DOCK1: variants seen among roughly 807,000 people sequenced by gnomAD.
The protein encoded by DOCK1 is dedicator of cytokinesis 1, also known as dedicator of cytokinesis protein 1.
In DOCK1, 138 loss-of-function variants were observed where a neutral mutation model predicts 262.7. The ratio of observed to expected loss-of-function variants is 0.53; its 90% CI spans 0.46 to 0.61. The LOEUF (loss-of-function observed/expected upper bound fraction) is 0.61. Ranked by LOEUF, DOCK1 falls within the 20% of genes least tolerant of loss-of-function variation. DOCK1 has a pLI of 0.00. For synonymous variants in DOCK1, 866 were observed against 867.4 expected, an observed-to-expected ratio of 1.00 and a Z score of 0.03; for missense variants, 1,908 against 2,370.7, an observed-to-expected ratio of 0.80 and a Z score of 4.05.
At chr10:126,949,481 C>G (rs1168550400) in intron 1 of DOCK1, among the ~76,000 whole-genome samples, 1 of 152,132 alleles carries the variant, frequency 6.6e-6, no homozygotes, top group Non-Finnish European at 1.5e-5. Flanking sequence ...AGGGTTGGTC[C>G]TATGATGAGA....
intron 29 of DOCK1, among the ~76,000 whole-genome samples, chr10:127,268,160 G>T (rs537916836): frequency 1.3e-5 from 2 of 152,232 alleles, no homozygotes; most frequent in South Asian, 4.1e-4. Flanking sequence ...AATGTCACTA[G>T]TGTCTCCATG....
chr10:127,016,153 C>G (rs1591658593), intron 12 of DOCK1: 1 of 152,374 alleles, frequency 6.6e-6, no homozygotes, highest in African/African-American at 2.4e-5. Context: ...AAACACCTGT[C>G]AGGGGAGGTC....
At chr10:127,311,334 C>T (rs2062055371) in intron 29 of DOCK1, among the ~76,000 whole-genome samples, 1 of 152,156 alleles carries the variant, frequency 6.6e-6, no homozygotes, top group Non-Finnish European at 1.5e-5. Flanking sequence ...AAGGGACCTG[C>T]AGAAATTCTT....
At chr10:127,033,085 C>G (rs985000586) in intron 18 of DOCK1, among the ~76,000 whole-genome samples, 1 of 152,202 alleles carries the variant, frequency 6.6e-6, no homozygotes, top group Non-Finnish European at 1.5e-5. Context: ...GTGCCTGCCT[C>G]AAAGGGCTTA....
chr10:127,076,252 G>A (rs374264758), intron 23 of DOCK1, among the ~76,000 whole-genome samples: 51 of 152,250 alleles, frequency 3.3e-4, no homozygotes, highest in South Asian at 2.7e-3. Flanking sequence ...CTGTAATCCC[G>A]GCACTTTGGG....
intron 19 of DOCK1, 23 bp downstream of exon 19, chr10:127,037,839 T>G (rs753946247): frequency 1.2e-5 from 17 of 1,468,502 alleles, no homozygotes; most frequent in Non-Finnish European, 1.4e-5. Flanking sequence ...CCAAAGGGAC[T>G]TTTTGGGTCT....
chr10:127,040,982 A>T (rs945268151), intron 19 of DOCK1, among the ~76,000 whole-genome samples: 5 of 152,082 alleles, frequency 3.3e-5, no homozygotes, highest in African/African-American at 1.2e-4. Flanking sequence ...TGTTCTGGAT[A>T]TTTTATGTAA....
intron 27 of DOCK1, among the ~76,000 whole-genome samples, chr10:127,199,708 G>A (rs2057369414): frequency 6.6e-6 from 1 of 152,228 alleles, no homozygotes; most frequent in African/African-American, 2.4e-5. Context: ...CGGGACCACA[G>A]CAACTTCACT....
chr10:127,160,236 T>A (rs575168124), intron 27 of DOCK1, among the ~76,000 whole-genome samples: 1 of 152,326 alleles, frequency 6.6e-6, no homozygotes, highest in East Asian at 1.9e-4. Context: ...TGGAAACTAA[T>A]TTTACAGTAC....
intron 21 of DOCK1, among the ~76,000 whole-genome samples, chr10:127,047,537 T>C (rs1214392967): frequency 6.6e-6 from 1 of 152,240 alleles, no homozygotes; most frequent in African/African-American, 2.4e-5. Context: ...TAAAAATTGT[T>C]ATAATTTGCA....
At chr10:126,985,167 G>T (rs965971120) in intron 4 of DOCK1, among the ~76,000 whole-genome samples, 1 of 150,578 alleles carries the variant, frequency 6.6e-6, no homozygotes, top group African/African-American at 2.4e-5. Context: ...TTTTAGTAGA[G>T]ACAGGGTTTC....
At chr10:127,079,553 CAT>C (rs2046776493) in intron 23 of DOCK1, among the ~76,000 whole-genome samples, 3 of 152,166 alleles carry the variant, frequency 2.0e-5, no homozygotes, top group Non-Finnish European at 2.9e-5. Flanking sequence ...TTGAGTGTGT[CAT>C]GTGGCAGTCA....
chr10:127,284,126 A>G (rs536374930), intron 29 of DOCK1, among the ~76,000 whole-genome samples: 7 of 152,218 alleles, frequency 4.6e-5, no homozygotes, highest in African/African-American at 7.2e-5. Context: ...TTTGTAAACT[A>G]TTTACATCCT....
intron 29 of DOCK1, among the ~76,000 whole-genome samples, chr10:127,279,733 G>A (rs2060874751): frequency 6.6e-6 from 1 of 152,124 alleles, no homozygotes; most frequent in South Asian, 2.1e-4. Flanking sequence ...GCTTTGCCTG[G>A]GCTGCAGCTC....
chr10:127,127,498 C>T (rs766650960), intron 26 of DOCK1, among the ~76,000 whole-genome samples, 171 bp from the exon 27 acceptor site: 3 of 152,060 alleles, frequency 2.0e-5, no homozygotes, highest in Non-Finnish European at 4.4e-5. Flanking sequence ...TTAATAAAAA[C>T]CCCTGAGTTT....
intron 29 of DOCK1, among the ~76,000 whole-genome samples, chr10:127,289,777 C>T (rs1475002207): frequency 2.0e-5 from 3 of 151,656 alleles, no homozygotes; most frequent in Non-Finnish European, 4.4e-5. Context: ...TCTCCGTTAT[C>T]ATTACTTCTA....
chr10:127,394,766 C>T (rs4751324), intron 38 of DOCK1, among the ~76,000 whole-genome samples: 62,896 of 152,020 alleles, frequency 0.41, 13,723 homozygotes, highest in Middle Eastern at 0.54. Context: ...GCTTTTCCAC[C>T]CAAAGCCCAC....
intron 29 of DOCK1, among the ~76,000 whole-genome samples, chr10:127,295,257 G>A (rs1165427817): frequency 6.6e-6 from 1 of 152,188 alleles, no homozygotes; most frequent in East Asian, 1.9e-4. Flanking sequence ...GAAGGCAGAA[G>A]GAGAGCAGGT....
Position 127,127,695 on chromosome 10 carries a change from T to G in DOCK1, c.2778T>G (p.Ile926Met), listed in dbSNP as rs779210116. 1 of 1,612,812 alleles carries G rather than the reference T, an allele frequency of 6.2e-7. No individual in the cohort carries two copies. Among genetic ancestry groups the G allele is most frequent in the Non-Finnish European group, 8.5e-7 (1 of 1,179,010 alleles). Residue 926 changes from isoleucine (I) to methionine (M), a missense_variant, in exon 27 of 52, where the codon ATT becomes ATG. Around this residue, in one of 9 missense-constraint regions of DOCK1, gnomAD observed 518 missense variants for 575.1 expected, o/e 0.90. Coordinates refer to ENST00000623213, the MANE Select transcript of DOCK1 (RefSeq NM_001290223.2). ...DVGPTQRHVQIIMEKLLRTVN... is the reference protein window; with the variant it reads ...DVGPTQRHVQMIMEKLLRTVN... ...GGCCAACCCAGAGGCACGTCCAGATTATCATGGAGAAACTTCTCCGGACCG... is the reference window on the plus strand; with the variant it reads ...GGCCAACCCAGAGGCACGTCCAGATGATCATGGAGAAACTTCTCCGGACCG...
Sources: allele counts gnomAD v4.1 joint callset (sites outside exome capture counted in the v4.1 genomes callset), GRCh38; gene constraint gnomAD v4.1.1; regional missense constraint gnomAD v4.1.1; transcripts MANE v1.5; gene names NCBI Gene and HGNC (gene_info 2026-07-23, HGNC 2026-07-21).